ALMS1: variants seen among roughly 807,000 people sequenced by gnomAD.
ALMS1 encodes the protein centrosome-associated protein ALMS1.
In ALMS1, 271 loss-of-function variants were observed where a neutral mutation model predicts 352.2. The ratio of observed to expected loss-of-function variants is 0.77; its 90% CI spans 0.70 to 0.85. ALMS1 has a LOEUF of 0.85. Ranked by LOEUF, ALMS1 falls within the 40% of genes least tolerant of loss-of-function variation. ALMS1 has a pLI of 0.00. For synonymous variants in ALMS1, 1,865 were observed against 1,761.2 expected (o/e 1.06, Z -1.48); for missense variants, 5,445 against 4,870.7 (o/e 1.12, Z -3.51).
At position 73,590,845 on chromosome 2, in the gene ALMS1, A is replaced by AT. The variant is rs1422912691; in HGVS notation, c.11548-8549dup. On this transcript the variant is annotated intron_variant, in intron 16 of 22. Transcript: ENST00000613296. ...AGGTGCGCACCACCACGCCTGACTA[A>AT]TTTTTTTGTATTTTTAGTAGAGACG... Among the ~76,000 whole-genome samples, 7 of 151,328 alleles carry AT rather than the reference A, an allele frequency of 4.6e-5. No individual in the cohort carries two copies. The East Asian group carries it at 1.4e-3, about 29-fold the overall frequency.
chr2:73,501,849 A>G (rs534183638), intron 10 of ALMS1, among the ~76,000 whole-genome samples: 5 of 152,186 alleles, frequency 3.3e-5, no homozygotes, highest in South Asian at 4.1e-4. Flanking sequence ...CTGTAGATCA[A>G]TTTTGTAGAT....
chr2:73,603,404 G>C, intron 21 of ALMS1, 100 bp downstream of exon 21: 1 of 1,000,004 alleles, frequency 1.0e-6, no homozygotes, highest in Non-Finnish European at 1.5e-6. Context: ...TTATACTCAA[G>C]TTTAAACATT....
At position 73,387,054 on chromosome 2, in the gene ALMS1, C is replaced by G. The variant is rs1056628873; in HGVS notation, c.324+862C>G. 2.6e-5 allele frequency among the ~76,000 whole-genome samples: 4 copies of G among 152,142 alleles called. No individual in the cohort carries two copies. In the South Asian group the frequency reaches 8.3e-4, roughly 32 times the overall value. On this transcript the variant is annotated intron_variant, in intron 1 of 22. Transcript: ENST00000613296. ...GTCTGTTCTTACCGGTTTTCAAGTG[C>G]TCAGCAGCCACACTAGGCTAGTGGC...
At chr2:73,473,510 T>C (rs2103847523) in intron 9 of ALMS1, among the ~76,000 whole-genome samples, 1 of 152,032 alleles carries the variant, frequency 6.6e-6, no homozygotes, top group South Asian at 2.1e-4. Context: ...CAACAAATTA[T>C]AAGGCATGCA....
At chr2:73,575,778 C>CT (rs1675039390) in intron 16 of ALMS1, among the ~76,000 whole-genome samples, 1 of 152,030 alleles carries the variant, frequency 6.6e-6, no homozygotes, top group Non-Finnish European at 1.5e-5. Flanking sequence ...TAGGTTGCCT[C>CT]TTTCACAGTC....
At chr2:73,502,832 T>C (rs1014555798) in intron 10 of ALMS1, among the ~76,000 whole-genome samples, 1 of 152,118 alleles carries the variant, frequency 6.6e-6, no homozygotes, top group Non-Finnish European at 1.5e-5. Flanking sequence ...TAGATCTTCT[T>C]TGGAGTATTT....
rs774198161 is a variant in ALMS1 at position 73,449,025 on chromosome 2, A to G, written c.2498A>G (p.Glu833Gly). The stretch of plus-strand genomic sequence containing the variant: ...TTGCTGGACAGCCATCTACCCGAAG[A>G]GGCTCTGAAAGTTTCAGCTGTTTCT... Reference protein sequence around the residue: ...QALLDSHLPEEALKVSAVSGP... With the variant: ...QALLDSHLPEGALKVSAVSGP... Residue 833 changes from glutamate (E) to glycine (G), a missense_variant, in exon 8 of 23, where the codon GAG becomes GGG. Transcript: ENST00000613296. 10 of 1,613,910 alleles carry G rather than the reference A, an allele frequency of 6.2e-6. No individual in the cohort carries two copies. The highest frequency in any genetic ancestry group is 1.6e-4 in the Middle Eastern group (1 of 6,084).
chr2:73,578,298 A>G (rs1035449058), intron 16 of ALMS1, among the ~76,000 whole-genome samples: 1 of 152,198 alleles, frequency 6.6e-6, no homozygotes, highest in Non-Finnish European at 1.5e-5. Flanking sequence ...TCTTTTAGAC[A>G]TAACATAGAT....
chr2:73,525,368 T>C (rs1204080378), intron 11 of ALMS1, among the ~76,000 whole-genome samples: 1 of 152,176 alleles, frequency 6.6e-6, no homozygotes, highest in African/African-American at 2.4e-5. Context: ...TTCTCTATAG[T>C]GTTGTACTAA....
chr2:73,480,178 A>G (rs1301098741), intron 9 of ALMS1, among the ~76,000 whole-genome samples: 2 of 151,876 alleles, frequency 1.3e-5, no homozygotes, highest in Non-Finnish European at 2.9e-5. Flanking sequence ...TGCACCCACT[A>G]ACTTGTCATC....
rs376302473 is a variant in ALMS1 at position 73,449,999 on chromosome 2, G to A, written c.3472G>A (p.Ala1158Thr). The A allele has an allele frequency of 1.9e-6, 3 of 1,611,902 alleles. No individual in the cohort carries two copies. The highest frequency in any genetic ancestry group is 2.2e-5 in the East Asian group (1 of 44,664). The change falls in exon 8 of 23, where the codon GCC becomes ACC. Residue 1158 changes from alanine to threonine, a missense_variant. Coordinates refer to ENST00000613296, the MANE Select transcript of ALMS1 (RefSeq NM_001378454.1). ...AAAGCCCAGCATTTTCCACCAGCAGGCCTTGCCAGGTACTCATATACCTGA... is the reference window on the plus strand; with the variant it reads ...AAAGCCCAGCATTTTCCACCAGCAGACCTTGCCAGGTACTCATATACCTGA... ...REKPSIFHQQALPGTHIPEEA... is the reference protein window; with the variant it reads ...REKPSIFHQQTLPGTHIPEEA...
intron 1 of ALMS1, among the ~76,000 whole-genome samples, chr2:73,399,402 T>C (rs527503305): frequency 2.0e-5 from 3 of 152,182 alleles, no homozygotes; most frequent in African/African-American, 7.2e-5. Flanking sequence ...ATGAGAAGCT[T>C]GGTGCCAGCA....
chr2:73,596,858 CTCTTTTTTTTTTTTTTTTT>C (rs1189245711), intron 16 of ALMS1, among the ~76,000 whole-genome samples: 17 of 87,638 alleles, frequency 1.9e-4, no homozygotes, highest in Admixed American at 1.1e-3. Flanking sequence ...AGCCCTCTAC[CTCTTTTTTTTTTTTTTTTT>C]TCTTTTTTTT....
rs200000666 is a variant in ALMS1, at chr2:73,520,337, G to A, written c.9781+321G>A. Among the ~76,000 whole-genome samples, 12 of 152,132 alleles carry A rather than the reference G, an allele frequency of 7.9e-5. No individual in the cohort carries two copies. The East Asian group carries it at 1.9e-3, about 24-fold the overall frequency. ...AATTGAGGTCTGCTTTTAAAATGGC[G>A]GATAAATTATCTTGTATTACAGTAA... On this transcript the variant is annotated intron_variant, in intron 11 of 22. Coordinates refer to ENST00000613296, the MANE Select transcript of ALMS1 (RefSeq NM_001378454.1).
intron 16 of ALMS1, among the ~76,000 whole-genome samples, chr2:73,580,284 TTTCACCTATC>T (rs1675147143): frequency 1.3e-5 from 2 of 152,186 alleles, no homozygotes; most frequent in East Asian, 1.9e-4. Flanking sequence ...CGTAATTTCA[TTTCACCTATC>T]TTCACCTATC....
intron 14 of ALMS1, among the ~76,000 whole-genome samples, chr2:73,557,934 A>G (rs1674578730): frequency 6.6e-6 from 1 of 152,226 alleles, no homozygotes; most frequent in Non-Finnish European, 1.5e-5. Context: ...GGTACTCCAG[A>G]GTATCGGAAC....
intron 6 of ALMS1, among the ~76,000 whole-genome samples, chr2:73,428,235 G>A (rs554802606): frequency 1.2e-3 from 186 of 152,226 alleles, no homozygotes; most frequent in Non-Finnish European, 2.1e-3. Flanking sequence ...AATTGTTAGA[G>A]ATTATTATCA....
chr2:73,540,747 T>A (rs1266769158), intron 12 of ALMS1, among the ~76,000 whole-genome samples: 1 of 152,112 alleles, frequency 6.6e-6, no homozygotes, highest in East Asian at 1.9e-4. Flanking sequence ...AAACAGACTT[T>A]AAACCAACAA....
At chr2:73,464,616 A>G (rs1315963803) in intron 9 of ALMS1, among the ~76,000 whole-genome samples, 1 of 152,150 alleles carries the variant, frequency 6.6e-6, no homozygotes, top group African/African-American at 2.4e-5. Context: ...CAGGAGAAGG[A>G]AATAAAGGGT....
Sources: gnomAD v4.1 joint callset for allele counts (sites outside exome capture counted in the v4.1 genomes callset) on GRCh38, gnomAD v4.1.1 for gene constraint, MANE v1.5 for transcripts, NCBI Gene and HGNC (gene_info 2026-07-23, HGNC 2026-07-21) for gene names.